Variants in ST18 observed in about 807,000 individuals in gnomAD.
The protein encoded by ST18 is suppression of tumorigenicity 18 protein.
Under a neutral mutation model 110.0 loss-of-function variants are expected in ST18, and 50 were observed. That is an observed-to-expected ratio of 0.45 (90% CI 0.36 to 0.58). The LOEUF (loss-of-function observed/expected upper bound fraction) is 0.58, where lower values mean the gene tolerates loss of function less well. Among genes scored for constraint, ST18 ranks in the 20% least tolerant of loss-of-function variants. The pLI is 0.00. For synonymous variants in ST18, 461 were observed against 452.4 expected, an observed-to-expected ratio of 1.02 and a Z score of -0.24; for missense variants, 1,306 against 1,280.1, an observed-to-expected ratio of 1.02 and a Z score of -0.31.
intron 9 of ST18, 61 bp from the exon 10 acceptor site, chr8:52,172,644 C>A (rs1028575915): frequency 2.2e-6 from 3 of 1,372,296 alleles, no homozygotes; most frequent in African/African-American, 2.9e-5. Context: ...AGGAAAATTG[C>A]AACAAGTTAT....
intron 2 of ST18, among the ~76,000 whole-genome samples, chr8:52,332,409 G>T (rs1261576678): frequency 6.6e-6 from 1 of 151,734 alleles, no homozygotes; most frequent in Non-Finnish European, 1.5e-5. Flanking sequence ...TTGAATTCAA[G>T]AGAAGAGAAT....
chr8:52,113,251 A>T lies in ST18; in HGVS notation c.3091T>A (p.Cys1031Ser). ...TTGATACTTTCCAGTAGAGCTTTGCATTCCGGGGAATAGTCCCGTTCCAGA... is the reference window on the plus strand; with the variant it reads ...TTGATACTTTCCAGTAGAGCTTTGCTTTCCGGGGAATAGTCCCGTTCCAGA... ...SNLERDYSPE[C>S]KALLESIKQA... Residue 1031 changes from cysteine to serine, a missense_variant, in exon 26 of 26, where the codon TGC becomes AGC. Coordinates refer to ENST00000689386, the MANE Select transcript of ST18 (RefSeq NM_001352837.2). 2 of 1,614,144 alleles carry T rather than the reference A, an allele frequency of 1.2e-6. No individual in the cohort carries two copies. The highest frequency in any genetic ancestry group is 2.2e-5 in the South Asian group (2 of 91,086).
intron 19 of ST18, among the ~76,000 whole-genome samples, chr8:52,135,673 T>A (rs2051883364): frequency 6.6e-6 from 1 of 151,854 alleles, no homozygotes. Context: ...GTACTAAGAT[T>A]CCAAATTTTC....
chr8:52,367,665 A>G (rs1828656441), intron 2 of ST18, among the ~76,000 whole-genome samples: 1 of 152,200 alleles, frequency 6.6e-6, no homozygotes, highest in South Asian at 2.1e-4. Context: ...TGTTCAACCC[A>G]TACACCAATT....
intron 2 of ST18, among the ~76,000 whole-genome samples, chr8:52,400,499 T>A (rs1423791630): frequency 6.6e-6 from 1 of 152,146 alleles, no homozygotes; most frequent in Non-Finnish European, 1.5e-5. Flanking sequence ...TCTTTTTCCT[T>A]TCTTCCTCTT....
chr8:52,223,586 G>A (rs1338367596), intron 3 of ST18, among the ~76,000 whole-genome samples: 3 of 151,542 alleles, frequency 2.0e-5, no homozygotes, highest in Non-Finnish European at 4.4e-5. Flanking sequence ...AGAGGTTGCA[G>A]TGAGCCAAGA....
At chr8:52,389,476 G>T (rs1294307947) in intron 2 of ST18, among the ~76,000 whole-genome samples, 1 of 152,154 alleles carries the variant, frequency 6.6e-6, no homozygotes, top group Non-Finnish European at 1.5e-5. Context: ...TGGGGTCAAG[G>T]CACATTCTTC....
At chr8:52,279,655 G>A (rs1185101803) in intron 2 of ST18, among the ~76,000 whole-genome samples, 1 of 152,068 alleles carries the variant, frequency 6.6e-6, no homozygotes, top group Non-Finnish European at 1.5e-5. Flanking sequence ...TTATTTGAAG[G>A]GAAATATAGT....
At chr8:52,383,287 T>G (rs1020491213) in intron 2 of ST18, among the ~76,000 whole-genome samples, 16 of 152,304 alleles carry the variant, frequency 1.1e-4, no homozygotes, top group Non-Finnish European at 2.4e-4. Flanking sequence ...TAAACTGTTT[T>G]CCTTGCTCTT....
chr8:52,329,575 C>A (rs1008966574), intron 2 of ST18, among the ~76,000 whole-genome samples: 2 of 151,986 alleles, frequency 1.3e-5, no homozygotes, highest in African/African-American at 2.4e-5. Flanking sequence ...GCCAACATGG[C>A]AAAACCCAGT....
At chr8:52,394,662 T>C (rs1468255693) in intron 2 of ST18, among the ~76,000 whole-genome samples, 1 of 152,218 alleles carries the variant, frequency 6.6e-6, no homozygotes, top group Non-Finnish European at 1.5e-5. Flanking sequence ...TAAAACAGCA[T>C]TTGTATTTCA....
intron 2 of ST18, among the ~76,000 whole-genome samples, chr8:52,382,004 T>G (rs1834777145): frequency 6.6e-6 from 1 of 150,916 alleles, no homozygotes; most frequent in Admixed American, 6.6e-5. Context: ...AAGTTACAGA[T>G]TTACCACAGG....
chr8:52,178,732 CA>C (rs1283453018), intron 9 of ST18, among the ~76,000 whole-genome samples: 2 of 133,136 alleles, frequency 1.5e-5, no homozygotes, highest in Non-Finnish European at 3.3e-5. Context: ...TTCAAGGAAA[CA>C]AAAAAAAGTC....
At chr8:52,365,776 A>G (rs1452988596) in intron 2 of ST18, among the ~76,000 whole-genome samples, 2 of 152,000 alleles carry the variant, frequency 1.3e-5, no homozygotes, top group African/African-American at 4.8e-5. Context: ...ACAGCTCACT[A>G]CAGCCTCGAC....
intron 2 of ST18, among the ~76,000 whole-genome samples, chr8:52,268,420 G>A (rs1427021271): frequency 1.3e-5 from 2 of 152,210 alleles, no homozygotes; most frequent in Admixed American, 1.3e-4. Flanking sequence ...TGGGGACAGA[G>A]AAGCAGAGAA....
chr8:52,213,845 C>A (rs1482698785), intron 7 of ST18, among the ~76,000 whole-genome samples: 2 of 152,178 alleles, frequency 1.3e-5, no homozygotes, highest in African/African-American at 4.8e-5. Flanking sequence ...TGACAATAAA[C>A]TAACAATTCT....
In ST18 at chr8:52,116,206, C is replaced by T. The variant is rs1275756455; in HGVS notation, c.3003+69G>A. The stretch of plus-strand genomic sequence containing the variant: ...CCTCAAAGCTCAGTCGTGGCAACCC[C>T]GTGGGTAGATGCATGATGACACTGC... On this transcript the variant is annotated intron_variant, in intron 25 of 25. Transcript: ENST00000689386. 415 of 1,553,790 alleles carry T rather than the reference C, an allele frequency of 2.7e-4. 2 individuals are homozygous for T. The highest frequency in any genetic ancestry group is 4.6e-5 in the Non-Finnish European group (53 of 1,151,654).
At chr8:52,198,885 G>C (rs1281411661) in intron 8 of ST18, among the ~76,000 whole-genome samples, 2 of 152,042 alleles carry the variant, frequency 1.3e-5, no homozygotes, top group Non-Finnish European at 2.9e-5. Context: ...TCCTCCACAT[G>C]CAACACCAGA....
At chr8:52,166,288 C>G (rs1456147917) in intron 11 of ST18, among the ~76,000 whole-genome samples, 1 of 152,216 alleles carries the variant, frequency 6.6e-6, no homozygotes, top group African/African-American at 2.4e-5. Flanking sequence ...GAATGAACAA[C>G]TTTCCCACAA....
Sources: allele counts gnomAD v4.1 joint callset (sites outside exome capture counted in the v4.1 genomes callset), GRCh38; gene constraint gnomAD v4.1.1; transcripts MANE v1.5; gene names NCBI Gene and HGNC (gene_info 2026-07-23, HGNC 2026-07-21).